HS6ST3: variants seen among roughly 807,000 people sequenced by gnomAD.
HS6ST3 encodes the protein heparan-sulfate 6-O-sulfotransferase 3.
Under a neutral mutation model 36.7 loss-of-function variants are expected in HS6ST3, and 12 were observed. The observed-to-expected ratio is 0.33, with a 90% confidence interval of 0.21 to 0.53. The LOEUF is 0.53. Among genes scored for constraint, HS6ST3 ranks in the 20% least tolerant of loss-of-function variants. The probability of loss-of-function intolerance (pLI) is 0.95; values close to 1 mark genes in which losing one functional copy is unlikely to be tolerated. For synonymous variants in HS6ST3, 240 were observed against 257.5 expected, an observed-to-expected ratio of 0.93 and a Z score of 0.65; for missense variants, 584 against 640.9, an observed-to-expected ratio of 0.91 and a Z score of 0.96.
chr13:96,765,356 A>G (rs1924589), intron 1 of HS6ST3, among the ~76,000 whole-genome samples: 108,873 of 151,878 alleles, frequency 0.72, 39,824 homozygotes, highest in African/African-American at 0.88. Flanking sequence ...ACAGGCGTGA[A>G]CCACCGCACC....
chr13:96,390,129 A>G (rs1174837987), intron 1 of HS6ST3, among the ~76,000 whole-genome samples: 1 of 152,198 alleles, frequency 6.6e-6, no homozygotes, highest in Non-Finnish European at 1.5e-5. Flanking sequence ...GATACAAACT[A>G]TCTTTTTATT....
chr13:96,415,064 G>A (rs2055526330), intron 1 of HS6ST3, among the ~76,000 whole-genome samples: 1 of 152,176 alleles, frequency 6.6e-6, no homozygotes, highest in Non-Finnish European at 1.5e-5. Flanking sequence ...TTTAAAAATA[G>A]GATATTTTAC....
At chr13:96,292,662 T>G (rs550386398) in intron 1 of HS6ST3, among the ~76,000 whole-genome samples, 14 of 152,212 alleles carry the variant, frequency 9.2e-5, no homozygotes, top group Non-Finnish European at 2.1e-4. Context: ...CAGGTACTAA[T>G]AGGCACTGGG....
chr13:96,101,468 G>C (rs2053818165), intron 1 of HS6ST3, among the ~76,000 whole-genome samples: 1 of 151,776 alleles, frequency 6.6e-6, no homozygotes, highest in Admixed American at 6.6e-5. Flanking sequence ...GTGATATGTT[G>C]AAAGTACACA....
At chr13:96,815,960 T>A (rs1878413244) in intron 1 of HS6ST3, among the ~76,000 whole-genome samples, 1 of 152,204 alleles carries the variant, frequency 6.6e-6, no homozygotes, top group African/African-American at 2.4e-5. Context: ...AAGTCCTAGC[T>A]GCCCTTAGAA....
intron 1 of HS6ST3, among the ~76,000 whole-genome samples, chr13:96,365,164 A>G (rs1359173141): frequency 6.6e-6 from 1 of 152,182 alleles, no homozygotes; most frequent in Non-Finnish European, 1.5e-5. Flanking sequence ...CCAGGTGTGA[A>G]CTGACAGAAG....
At chr13:96,245,410 CT>C (rs1247399429) in intron 1 of HS6ST3, among the ~76,000 whole-genome samples, 2 of 152,198 alleles carry the variant, frequency 1.3e-5, no homozygotes, top group Non-Finnish European at 2.9e-5. Flanking sequence ...CATCTCAAGT[CT>C]TTTGACAATT....
At position 96,739,219 on chromosome 13, in the gene HS6ST3, TTGTGTGTGTGTGTGTGTG is replaced by T. The variant is rs3138578; in HGVS notation, c.708-93229_708-93212del. On this transcript the variant is annotated intron_variant, in intron 1 of 1. Transcript: ENST00000376705. ...CCTTCTGTTCTCTATCGACATTTGCTTGTGTGTGTGTGTGTGTGTGTGTGTGTGTGTGTGTGTGTGTGT... is the reference window on the plus strand; with the variant it reads ...CCTTCTGTTCTCTATCGACATTTGCTTGTGTGTGTGTGTGTGTGTGTGTGT... Among the ~76,000 whole-genome samples, 774 of 126,330 alleles carry T rather than the reference TTGTGTGTGTGTGTGTGTG, an allele frequency of 6.1e-3. 9 individuals carry two copies. The highest frequency in any genetic ancestry group is 0.021 in the African/African-American group (729 of 34,616). 82.9% of individuals were successfully genotyped at this position (126,330 alleles called of 152,430 possible). A position where few individuals can be genotyped will look rare whatever the true frequency, so the allele number is the denominator to read the frequency against.
At chr13:96,824,346 A>G (rs548759837) in intron 1 of HS6ST3, among the ~76,000 whole-genome samples, 4 of 152,314 alleles carry the variant, frequency 2.6e-5, no homozygotes, top group African/African-American at 9.6e-5. Context: ...CTCGGAACCA[A>G]TCGCTGTGAC....
In HS6ST3 at chr13:96,535,186, A is replaced by G. The variant is rs2138937585; in HGVS notation, c.708-297304A>G. Among the ~76,000 whole-genome samples, 3 of 152,250 alleles carry G rather than the reference A, an allele frequency of 2.0e-5. No homozygotes were observed. The Middle Eastern group carries it at 0.01, about 518-fold the overall frequency. On this transcript the variant is annotated intron_variant, in intron 1 of 1. Transcript: ENST00000376705. ...TCCAGGAATGGGACATGAAGGAGAC[A>G]GGCCTAACTTTAGTAGAAGAAGGTT... is the stretch of plus-strand genomic sequence containing the variant.
chr13:96,164,009 A>G (rs564232548), intron 1 of HS6ST3, among the ~76,000 whole-genome samples: 27 of 152,302 alleles, frequency 1.8e-4, no homozygotes, highest in South Asian at 1.5e-3. Context: ...ATCTTCACTG[A>G]TGCCCCAGGA....
intron 1 of HS6ST3, among the ~76,000 whole-genome samples, chr13:96,217,407 C>T (rs369513531): frequency 6.6e-6 from 1 of 152,094 alleles, no homozygotes; most frequent in African/African-American, 2.4e-5. Context: ...CATCTGGTTC[C>T]CCTCCTTCAG....
intron 1 of HS6ST3, among the ~76,000 whole-genome samples, chr13:96,614,823 G>A (rs1300939390): frequency 1.3e-5 from 2 of 152,124 alleles, no homozygotes; most frequent in African/African-American, 2.4e-5. Context: ...TTTTGCCACA[G>A]TTTCAGAAAG....
At chr13:96,374,180 C>G (rs370852908) in intron 1 of HS6ST3, among the ~76,000 whole-genome samples, 14 of 152,054 alleles carry the variant, frequency 9.2e-5, no homozygotes, top group African/African-American at 2.2e-4. Context: ...TTGTTTTAAT[C>G]TTTACAGTAT....
intron 1 of HS6ST3, among the ~76,000 whole-genome samples, chr13:96,184,206 A>G (rs1053273966): frequency 2.2e-4 from 9 of 41,556 alleles, no homozygotes; most frequent in Admixed American, 1.3e-3. Context: ...TCTCCAAAAA[A>G]AAAAAAAAAA....
chr13:96,709,142 T>C (rs1875499875), intron 1 of HS6ST3, among the ~76,000 whole-genome samples: 1 of 152,180 alleles, frequency 6.6e-6, no homozygotes, highest in African/African-American at 2.4e-5. Flanking sequence ...GATGGTTTTA[T>C]AAGTGGCTCT....
intron 1 of HS6ST3, among the ~76,000 whole-genome samples, chr13:96,386,583 T>A (rs1011410612): frequency 1.3e-5 from 2 of 152,034 alleles, no homozygotes; most frequent in Non-Finnish European, 2.9e-5. Flanking sequence ...AAATAAAAAA[T>A]TGGCCGGGTG....
In HS6ST3 at chr13:96,401,902, C is replaced by T. The variant is rs115504960; in HGVS notation, c.707+310333C>T. 9.7e-3 allele frequency among the ~76,000 whole-genome samples: 1,475 copies of T among 152,280 alleles called. 21 individuals carry two copies. Among genetic ancestry groups the T allele is most frequent in the African/African-American group, 0.034 (1,421 of 41,562 alleles). On this transcript the variant is annotated intron_variant, in intron 1 of 1. Transcript: ENST00000376705. ...TTGTTATTTATCATTTAACCTCATG[C>T]AATGTTAATTTGTAGCTTGTGAACT...
At chr13:96,387,906 C>G (rs1367140524) in intron 1 of HS6ST3, among the ~76,000 whole-genome samples, 1 of 152,122 alleles carries the variant, frequency 6.6e-6, no homozygotes, top group East Asian at 1.9e-4. Context: ...GTGCCAGGTT[C>G]CTTGATTGCC....
Sources: gnomAD v4.1 joint callset for allele counts (sites outside exome capture counted in the v4.1 genomes callset) on GRCh38, gnomAD v4.1.1 for gene constraint, MANE v1.5 for transcripts, NCBI Gene and HGNC (gene_info 2026-07-23, HGNC 2026-07-21) for gene names.